The following METTL15 variants were observed in gnomAD, a reference collection of about 807,000 sequenced individuals.
The protein encoded by METTL15 is methyltransferase 15, mitochondrial 12S rRNA N4-cytidine.
A neutral mutation model predicts 38.3 loss-of-function variants in METTL15; 34 were observed. The observed-to-expected ratio is 0.89, with a 90% CI of 0.68 to 1.18. The LOEUF (loss-of-function observed/expected upper bound fraction) is 1.18, where lower values mean the gene tolerates loss of function less well. METTL15 is among the 50% of genes most tolerant of loss of function. The probability of loss-of-function intolerance (pLI) is 0.00; values close to 1 mark genes in which losing one functional copy is unlikely to be tolerated. For synonymous variants in METTL15, 162 were observed against 170.9 expected, an observed-to-expected ratio of 0.95 and a Z score of 0.41; for missense variants, 438 against 498.4, an observed-to-expected ratio of 0.88 and a Z score of 1.15.
intron 4 of METTL15, among the ~76,000 whole-genome samples, chr11:28,282,833 T>C (rs1856107296): frequency 6.6e-6 from 1 of 152,152 alleles, no homozygotes; most frequent in African/African-American, 2.4e-5. Flanking sequence ...CAACCCACTA[T>C]CAAAAGAATC....
intron 6 of METTL15, among the ~76,000 whole-genome samples, chr11:28,443,662 A>T (rs1198715761): frequency 6.6e-6 from 1 of 152,136 alleles, no homozygotes; most frequent in Non-Finnish European, 1.5e-5. Context: ...TGACATCTCC[A>T]GTTGCTTAGG....
At chr11:28,223,968 A>G (rs1044161930) in intron 4 of METTL15, among the ~76,000 whole-genome samples, 6 of 152,086 alleles carry the variant, frequency 3.9e-5, no homozygotes, top group African/African-American at 1.4e-4. Flanking sequence ...AGTTTAGAGA[A>G]TATAGGTATG....
chr11:28,353,648 G>C (rs1850061174), intron 4 of METTL15, among the ~76,000 whole-genome samples: 1 of 152,132 alleles, frequency 6.6e-6, no homozygotes, highest in Non-Finnish European at 1.5e-5. Flanking sequence ...GATGTCGGCC[G>C]GGCGCGGTGG....
At chr11:28,304,575 G>T (rs2134014163) in intron 6 of METTL15, among the ~76,000 whole-genome samples, 1 of 152,200 alleles carries the variant, frequency 6.6e-6, no homozygotes, top group South Asian at 2.1e-4. Context: ...AATTAGCCGG[G>T]TGTGGTGGTG....
chr11:28,428,274 C>T (rs1179608839), intron 6 of METTL15, among the ~76,000 whole-genome samples: 1 of 152,050 alleles, frequency 6.6e-6, no homozygotes, highest in African/African-American at 2.4e-5. Flanking sequence ...AATTATAACA[C>T]AATGGTAAGT....
chr11:28,205,253 C>G (rs1206075531), intron 3 of METTL15, among the ~76,000 whole-genome samples: 1 of 138,740 alleles, frequency 7.2e-6, no homozygotes, highest in African/African-American at 2.6e-5. Flanking sequence ...CTATCCCTCC[C>G]CCCTCCCCCT....
chr11:28,510,485 A>T (rs1288946890), intron 6 of METTL15, among the ~76,000 whole-genome samples: 1 of 152,220 alleles, frequency 6.6e-6, no homozygotes, highest in African/African-American at 2.4e-5. Flanking sequence ...TCATTTGAGT[A>T]AAATACCAAT....
chr11:28,526,200 T>G (rs2133517602), intron 6 of METTL15, among the ~76,000 whole-genome samples: 1 of 152,316 alleles, frequency 6.6e-6, no homozygotes, highest in Non-Finnish European at 1.5e-5. Flanking sequence ...GGGAGCCGGC[T>G]TCAGCCTCAA....
At chr11:28,438,897 G>C (rs369249495) in intron 6 of METTL15, among the ~76,000 whole-genome samples, 1 of 151,558 alleles carries the variant, frequency 6.6e-6, no homozygotes, top group Admixed American at 6.6e-5. Context: ...GGCTGGTCTC[G>C]AACCCCTGAC....
At chr11:28,277,921 AAG>A (rs947908198) in intron 4 of METTL15, among the ~76,000 whole-genome samples, 12 of 152,148 alleles carry the variant, frequency 7.9e-5, no homozygotes, top group African/African-American at 2.9e-4. Flanking sequence ...AGAGAGGATG[AAG>A]AGAAGTGGGT....
intron 5 of METTL15, among the ~76,000 whole-genome samples, chr11:28,367,588 G>GA (rs1417879260): frequency 1.3e-5 from 2 of 152,036 alleles, no homozygotes; most frequent in African/African-American, 4.8e-5. Context: ...CATGGAATTG[G>GA]AAAAAACTAC....
intron 6 of METTL15, among the ~76,000 whole-genome samples, chr11:28,478,739 C>T (rs141548597): frequency 3.4e-4 from 52 of 152,194 alleles, no homozygotes; most frequent in African/African-American, 1.3e-3. Flanking sequence ...GCAACAGTGG[C>T]AACTTAAAGA....
chr11:28,277,593 G>A (rs1855892393), intron 4 of METTL15, among the ~76,000 whole-genome samples: 1 of 152,020 alleles, frequency 6.6e-6, no homozygotes, highest in South Asian at 2.1e-4. Context: ...AGCTATTTGG[G>A]AGGCTGAGGC....
At chr11:28,297,267 G>A (rs1465067094) in intron 6 of METTL15, among the ~76,000 whole-genome samples, 1 of 152,148 alleles carries the variant, frequency 6.6e-6, no homozygotes, top group Non-Finnish European at 1.5e-5. Flanking sequence ...AACATGGAAT[G>A]ATGAGCAAAA....
intron 5 of METTL15, among the ~76,000 whole-genome samples, chr11:28,405,990 A>T (rs988550312): frequency 1.3e-5 from 2 of 152,198 alleles, no homozygotes; most frequent in Non-Finnish European, 2.9e-5. Context: ...TACTAGTACC[A>T]TGCTGTTTTA....
chr11:28,497,778 G>T (rs1017811655), intron 6 of METTL15, among the ~76,000 whole-genome samples: 5 of 152,100 alleles, frequency 3.3e-5, no homozygotes, highest in African/African-American at 9.7e-5. Context: ...GGGTATTAAG[G>T]CTGGATGCGG....
intron 6 of METTL15, among the ~76,000 whole-genome samples, chr11:28,489,218 T>C (rs1851472987): frequency 6.6e-6 from 1 of 152,140 alleles, no homozygotes; most frequent in Admixed American, 6.5e-5. Context: ...ACCAGTCCAG[T>C]ACAGGCCACA....
chr11:28,226,852 A>G (rs1590188528), intron 4 of METTL15, among the ~76,000 whole-genome samples: 1 of 151,960 alleles, frequency 6.6e-6, no homozygotes. Context: ...TAATCTTACT[A>G]ACCATGGGAG....
At chr11:28,128,742 A>G (rs1033052882) in intron 3 of METTL15, among the ~76,000 whole-genome samples, 2 of 152,180 alleles carry the variant, frequency 1.3e-5, no homozygotes, top group South Asian at 2.1e-4. Context: ...ACTAAATTCT[A>G]TAAAATGAAT....
Sources: allele counts gnomAD v4.1 joint callset (sites outside exome capture counted in the v4.1 genomes callset), GRCh38; gene constraint gnomAD v4.1.1; transcripts MANE v1.5; gene names NCBI Gene and HGNC (gene_info 2026-07-23, HGNC 2026-07-21).